Variants in PLA2G5 observed in about 807,000 individuals in gnomAD.
The protein encoded by PLA2G5 is phospholipase A2 group V.
A neutral mutation model predicts 15.9 loss-of-function variants in PLA2G5; 12 were observed. The observed-to-expected ratio is 0.76, with a 90% CI of 0.48 to 1.23. The LOEUF (loss-of-function observed/expected upper bound fraction) is 1.23. PLA2G5 is among the 50% of genes most tolerant of loss of function. The pLI is 0.00. For missense variants in PLA2G5, 169 were observed against 177.1 expected, an observed-to-expected ratio of 0.95 and a Z score of 0.26; for synonymous variants, 71 against 71.4, an observed-to-expected ratio of 0.99 and a Z score of 0.03.
At chr1:20,060,948 C>T (rs2014695513) in intron 2 of PLA2G5, among the ~76,000 whole-genome samples, 1 of 152,114 alleles carries the variant, frequency 6.6e-6, no homozygotes, top group Admixed American at 6.5e-5. Flanking sequence ...AACTCCCGAC[C>T]TCAGGTGATC....
chr1:20,043,185 A>G (rs2100351099), intron 1 of PLA2G5, among the ~76,000 whole-genome samples: 1 of 152,234 alleles, frequency 6.6e-6, no homozygotes, highest in African/African-American at 2.4e-5. Flanking sequence ...AGAATGGAAT[A>G]GTGAGTTGTG....
Position 20,070,239 on chromosome 1 carries a change from GT to G in PLA2G5, c.-232del. On this transcript the variant is annotated 5_prime_UTR_variant, in exon 1 of 5. Transcript: ENST00000375108. ...TCTACCCGGCTGGGTCCAGGCAGAA[GT>G]TTTTCCTCCCCACCTCCGGGTTTGT... is the stretch of plus-strand genomic sequence containing the variant. 2.0e-6 allele frequency: 2 copies of G among 985,420 alleles called. No individual in the cohort carries two copies. Among genetic ancestry groups the G allele is most frequent in the South Asian group, 4.7e-5 (1 of 21,296 alleles). 61.0% of individuals were successfully genotyped at this position (985,420 alleles called of 1,614,324 possible).
chr1:20,060,276 C>CA (rs2100461345), intron 2 of PLA2G5, among the ~76,000 whole-genome samples: 1 of 72,566 alleles, frequency 1.4e-5, no homozygotes, highest in East Asian at 5.8e-4. Context: ...TTTTTTGAGA[C>CA]AGAGTCTCAC....
intron 1 of PLA2G5, among the ~76,000 whole-genome samples, chr1:20,048,083 T>TA (rs2014007434): frequency 6.6e-6 from 1 of 152,140 alleles, no homozygotes; most frequent in Non-Finnish European, 1.5e-5. Flanking sequence ...ATCTATCTAT[T>TA]TATGTGTTGT....
intron 1 of PLA2G5, among the ~76,000 whole-genome samples, chr1:20,034,621 A>G (rs2013149345): frequency 6.6e-6 from 1 of 152,098 alleles, no homozygotes; most frequent in African/African-American, 2.4e-5. Context: ...GAGGCCCCTG[A>G]GGCTGGCTGG....
At chr1:20,067,855 A>T (rs2100510837), upstream of PLA2G5, among the ~76,000 whole-genome samples, 1 of 152,362 alleles carries the variant, frequency 6.6e-6, no homozygotes, top group East Asian at 1.9e-4. Flanking sequence ...GCGGTGGCTC[A>T]TGCCTGTAAT....
chr1:20,058,420 C>T (rs2014545296), intron 1 of PLA2G5, among the ~76,000 whole-genome samples: 1 of 152,148 alleles, frequency 6.6e-6, no homozygotes, highest in Non-Finnish European at 1.5e-5. Context: ...CTGAAATCTG[C>T]TTTGCAGAAA....
chr1:20,060,729 C>T (rs1421224540), intron 2 of PLA2G5, among the ~76,000 whole-genome samples: 6 of 125,184 alleles, frequency 4.8e-5, no homozygotes, highest in Non-Finnish European at 9.6e-5. Context: ...GCAAGTCTTT[C>T]TTTCTTTTCT....
chr1:20,036,589 T>C (rs1458297074), intron 1 of PLA2G5, among the ~76,000 whole-genome samples: 1 of 152,174 alleles, frequency 6.6e-6, no homozygotes, highest in Non-Finnish European at 1.5e-5. Context: ...TTTCCTGAAG[T>C]TGCAATTGTT....
intron 1 of PLA2G5, among the ~76,000 whole-genome samples, chr1:20,072,489 G>C (rs2015429100): frequency 6.6e-6 from 1 of 152,286 alleles, no homozygotes; most frequent in Non-Finnish European, 1.5e-5. Context: ...CAGGGGGAGG[G>C]AGAGAGAGAC....
intron 3 of PLA2G5, among the ~76,000 whole-genome samples, chr1:20,087,803 C>G (rs576412231): frequency 6.6e-6 from 1 of 151,908 alleles, no homozygotes; most frequent in Non-Finnish European, 1.5e-5. Context: ...CTTAAATAAA[C>G]GCAAACAAAA....
intron 2 of PLA2G5, among the ~76,000 whole-genome samples, chr1:20,062,111 C>T (rs1404974237): frequency 1.3e-5 from 2 of 152,190 alleles, no homozygotes; most frequent in Non-Finnish European, 2.9e-5. Flanking sequence ...CTGAGGCCTC[C>T]CTAGAAGCCG....
At chr1:20,080,017 G>A (rs1023336759) in intron 1 of PLA2G5, among the ~76,000 whole-genome samples, 1 of 152,204 alleles carries the variant, frequency 6.6e-6, no homozygotes, top group African/African-American at 2.4e-5. Flanking sequence ...AGGAACAAGA[G>A]GAAGAGGACG....
At chr1:20,083,540 G>A (rs966508376) in intron 1 of PLA2G5, among the ~76,000 whole-genome samples, 2 of 151,880 alleles carry the variant, frequency 1.3e-5, no homozygotes, top group South Asian at 2.1e-4. Context: ...CTGCCGGCAA[G>A]GAACCTCTGA....
At chr1:20,048,270 G>A (rs2014016798) in intron 1 of PLA2G5, among the ~76,000 whole-genome samples, 1 of 152,056 alleles carries the variant, frequency 6.6e-6, no homozygotes. Context: ...AAAATTGTTG[G>A]TAAAGTATAA....
intron 1 of PLA2G5, among the ~76,000 whole-genome samples, chr1:20,071,324 C>T (rs891814467): frequency 6.6e-6 from 1 of 152,170 alleles, no homozygotes; most frequent in Non-Finnish European, 1.5e-5. Flanking sequence ...CTGTGCCATG[C>T]AGAGTGCTAG....
upstream of PLA2G5, among the ~76,000 whole-genome samples, chr1:20,066,864 G>T (rs2015057806): frequency 6.6e-6 from 1 of 152,186 alleles, no homozygotes; most frequent in African/African-American, 2.4e-5. Context: ...AAATTAGTCA[G>T]CTGTGGTGAC....
intron 1 of PLA2G5, chr1:20,059,496 AGGAGGACCACTTAGTT>A (rs1298132944): frequency 6.6e-6 from 1 of 152,194 alleles, no homozygotes; most frequent in Non-Finnish European, 1.5e-5. Context: ...ATAGGCTCAA[AGGAGGACCACTTAGTT>A]GGAAGTGAAG....
At chr1:20,069,253 T>C (rs540531568), upstream of PLA2G5, among the ~76,000 whole-genome samples, 2 of 151,620 alleles carry the variant, frequency 1.3e-5, no homozygotes, top group Non-Finnish European at 2.9e-5. Context: ...ATCTGACCTA[T>C]GCAATATGCT....
Sources: allele counts gnomAD v4.1 joint callset (sites outside exome capture counted in the v4.1 genomes callset), GRCh38; gene constraint gnomAD v4.1.1; transcripts MANE v1.5; gene names NCBI Gene and HGNC (gene_info 2026-07-23, HGNC 2026-07-21).